Variants in MAP4 observed in about 807,000 individuals in gnomAD.
The protein encoded by MAP4 is microtubule associated protein 4.
MAP4 carries 76 observed loss-of-function variants against 170.2 expected under a neutral mutation model. The observed-to-expected ratio is 0.45, with a 90% CI of 0.37 to 0.54. The LOEUF is 0.54. MAP4 is among the 20% of genes least tolerant of loss of function. The pLI is 0.00. For synonymous variants in MAP4, 909 were observed against 994.5 expected, an observed-to-expected ratio of 0.91 and a Z score of 1.62; for missense variants, 2,506 against 2,748.0, an observed-to-expected ratio of 0.91 and a Z score of 1.97.
Position 47,910,076 on chromosome 3 carries a change from GAGGAGT to G in MAP4, c.4339_4344del (p.Thr1447_Pro1448del). Reference sequence around the variant, plus strand: ...AAGGAATCACCTTCCTTTACTACTTGAGGAGTAGGAGTGGGCAGTTTTTCACAGGCT... The same window carrying G: ...AAGGAATCACCTTCCTTTACTACTTGAGGAGTGGGCAGTTTTTCACAGGCT... On this transcript the variant is annotated inframe_deletion, in exon 9 of 21. Coordinates refer to ENST00000683076, the MANE Select transcript of MAP4 (RefSeq NM_001385682.1). The G allele has an allele frequency of 1.2e-6, 2 of 1,613,990 alleles. No individual in the cohort carries two copies. The highest frequency in any genetic ancestry group is 1.7e-6 in the Non-Finnish European group (2 of 1,179,888).
At chr3:47,932,247 G>A (rs2100050301) in intron 3 of MAP4, among the ~76,000 whole-genome samples, 1 of 152,126 alleles carries the variant, frequency 6.6e-6, no homozygotes, top group South Asian at 2.1e-4. Context: ...CCATGCTGTA[G>A]TATGGTAACT....
chr3:48,010,054 T>C (rs2100104436), intron 1 of MAP4, among the ~76,000 whole-genome samples: 1 of 152,204 alleles, frequency 6.6e-6, no homozygotes. Context: ...ATGGAATACA[T>C]GAGACCCATT....
intron 5 of MAP4, among the ~76,000 whole-genome samples, chr3:47,921,417 T>C (rs1281462272): frequency 6.6e-6 from 1 of 152,202 alleles, no homozygotes. Flanking sequence ...CATAGGAATC[T>C]ACACAGCAAC....
rs138755322 is a variant in MAP4, at chr3:47,867,421, G to A, written c.6409-83C>T. On this transcript the variant is annotated intron_variant, in intron 16 of 20. Coordinates refer to ENST00000683076, the MANE Select transcript of MAP4 (RefSeq NM_001385682.1). ...CACAGGGAAGGCAGTGAGTCCACACGTGATCACAATGACCAACAAAAAGTG... is the reference window on the plus strand; with the variant it reads ...CACAGGGAAGGCAGTGAGTCCACACATGATCACAATGACCAACAAAAAGTG... The A allele has an allele frequency of 1.3e-4, 109 of 858,332 alleles. 1 individual carries two copies. The highest frequency in any genetic ancestry group is 1.9e-4 in the Non-Finnish European group (96 of 508,582). The allele number at this position is 858,332 out of a possible 1,614,324, so 53.2% of individuals were successfully genotyped here.
intron 4 of MAP4, among the ~76,000 whole-genome samples, chr3:47,924,727 C>T (rs1279753694): frequency 6.6e-6 from 1 of 152,154 alleles, no homozygotes; most frequent in Admixed American, 6.5e-5. Flanking sequence ...GAATGGAGGC[C>T]TCTGCTCCTC....
chr3:48,010,732 G>A (rs959311261), intron 1 of MAP4, among the ~76,000 whole-genome samples: 7 of 152,096 alleles, frequency 4.6e-5, no homozygotes. Flanking sequence ...GCTGGGGAAG[G>A]CAGACCCACC....
chr3:47,954,032 AC>A (rs1229487810), intron 3 of MAP4, among the ~76,000 whole-genome samples: 4 of 151,876 alleles, frequency 2.6e-5, no homozygotes, highest in African/African-American at 9.7e-5. Flanking sequence ...AAAAAAAAAA[AC>A]AAACAACAAC....
Position 47,855,391 on chromosome 3 carries a change from G to T in MAP4, c.6584-31C>A. 1.4e-6 allele frequency: 2 copies of T among 1,400,816 alleles called. No individual in the cohort carries two copies. Among genetic ancestry groups the T allele is most frequent in the Non-Finnish European group, 2.0e-6 (2 of 985,050 alleles). 86.8% of individuals were successfully genotyped at this position (1,400,816 alleles called of 1,614,324 possible). On this transcript the variant is annotated intron_variant, in intron 18 of 20. Coordinates refer to ENST00000683076, the MANE Select transcript of MAP4 (RefSeq NM_001385682.1). The surrounding 1 kb of genome is among the most constrained non-coding windows in gnomAD (Gnocchi z 5.1). ...ACCACAAAGGAACTGGTCACCTAGGGTGGCAGAGGAATATCCCTGCAGGCA... is the reference window on the plus strand; with the variant it reads ...ACCACAAAGGAACTGGTCACCTAGGTTGGCAGAGGAATATCCCTGCAGGCA...
At chr3:47,868,712 CCTAA>C (rs2085139539) in intron 16 of MAP4, among the ~76,000 whole-genome samples, 1 of 152,186 alleles carries the variant, frequency 6.6e-6, no homozygotes, top group Non-Finnish European at 1.5e-5. Flanking sequence ...GAATGAGCAT[CCTAA>C]CTTTCAGTTA....
chr3:47,939,744 CA>C (rs2100055136), intron 3 of MAP4, among the ~76,000 whole-genome samples: 1 of 149,186 alleles, frequency 6.7e-6, no homozygotes, highest in Non-Finnish European at 1.5e-5. Flanking sequence ...ACCTCTTGAT[CA>C]AAAAATAAGT....
At chr3:48,075,637 G>C (rs9883132) in intron 1 of MAP4, among the ~76,000 whole-genome samples, 1 of 151,878 alleles carries the variant, frequency 6.6e-6, no homozygotes, top group Non-Finnish European at 1.5e-5. Context: ...TCAACAACTG[G>C]TTCAAGGACA....
Position 47,921,836 on chromosome 3 carries a change from A to C in MAP4, c.458T>G (p.Val153Gly). The C allele has an allele frequency of 1.2e-6, 2 of 1,609,118 alleles. No homozygotes were observed. Among genetic ancestry groups the C allele is most frequent in the Non-Finnish European group, 1.7e-6 (2 of 1,175,474 alleles). The change falls in exon 5 of 21, where the codon GTC (valine) becomes GGC (glycine). Residue 153 changes from valine (V) to glycine (G), a missense_variant. This residue lies in a region of MAP4 where 2,008 missense variants were observed against 2,206.0 expected (regional missense o/e 0.91). Coordinates refer to ENST00000683076, the MANE Select transcript of MAP4 (RefSeq NM_001385682.1). ...MYHDDDLADL[V>G]FPSSATADTS... Reference sequence around the variant, plus strand: ...ATCAGCTGTCGCACTGGAGGGAAAGACCAAATCTGCCAGGTCATCATCATG... The same window carrying C: ...ATCAGCTGTCGCACTGGAGGGAAAGCCCAAATCTGCCAGGTCATCATCATG...
At chr3:47,875,328 T>A (rs2094955975) in intron 12 of MAP4, among the ~76,000 whole-genome samples, 1 of 151,702 alleles carries the variant, frequency 6.6e-6, no homozygotes, top group African/African-American at 2.4e-5. Flanking sequence ...AGGTAAAGAG[T>A]AGGTAGCTGA....
At chr3:47,922,876 C>T (rs865964803) in intron 4 of MAP4, among the ~76,000 whole-genome samples, 3 of 152,020 alleles carry the variant, frequency 2.0e-5, no homozygotes. Flanking sequence ...AGTGAAACCC[C>T]GTCTCTACTA....
At chr3:47,968,159 T>C (rs1475620226) in intron 3 of MAP4, among the ~76,000 whole-genome samples, 2 of 152,122 alleles carry the variant, frequency 1.3e-5, no homozygotes, top group Non-Finnish European at 2.9e-5. Flanking sequence ...GACTACTCAA[T>C]AATAATTGTT....
At chr3:48,058,787 T>C (rs2100133604) in intron 1 of MAP4, among the ~76,000 whole-genome samples, 1 of 152,194 alleles carries the variant, frequency 6.6e-6, no homozygotes, top group African/African-American at 2.4e-5. Flanking sequence ...TATTTTATTT[T>C]ATTTATTTTT....
Position 47,938,530 on chromosome 3 carries a change from T to C in MAP4, c.293-10180A>G, listed in dbSNP as rs929534900. 1.9e-4 allele frequency among the ~76,000 whole-genome samples: 29 copies of C among 152,284 alleles called. 1 individual carries two copies. Among genetic ancestry groups the C allele is most frequent in the African/African-American group, 6.3e-4 (26 of 41,560 alleles). On this transcript the variant is annotated intron_variant, in intron 3 of 20. Coordinates refer to ENST00000683076, the MANE Select transcript of MAP4 (RefSeq NM_001385682.1). ...CTAAGGACACAGATGTGTGCCACTA[T>C]GCCCTTCTAATTTATTATTGTTATT...
At chr3:47,892,099 C>T in intron 10 of MAP4, 2 of 1,536,144 alleles carry the variant, frequency 1.3e-6, no homozygotes, top group Middle Eastern at 3.3e-4. Context: ...CTATGAGTCC[C>T]AGATGGAACT....
chr3:47,880,579 C>T (rs1248210109), intron 10 of MAP4, among the ~76,000 whole-genome samples: 1 of 150,338 alleles, frequency 6.7e-6, no homozygotes, highest in African/African-American at 2.5e-5. Context: ...GACCCTAATG[C>T]CTCAGCCTTC....
Sources: allele counts gnomAD v4.1 joint callset (sites outside exome capture counted in the v4.1 genomes callset), GRCh38; gene constraint gnomAD v4.1.1; regional missense constraint gnomAD v4.1.1; non-coding constraint Gnocchi (gnomAD v3.1); transcripts MANE v1.5; gene names NCBI Gene and HGNC (gene_info 2026-07-23, HGNC 2026-07-21).